The following VIT variants were observed in gnomAD, a reference collection of about 807,000 sequenced individuals.
VIT encodes vitrin.
Under a neutral mutation model 78.0 loss-of-function variants are expected in VIT, and 99 were observed. The ratio of observed to expected loss-of-function variants is 1.27; its 90% CI spans 1.08 to 1.50. The LOEUF (loss-of-function observed/expected upper bound fraction) is 1.50, where lower values mean the gene tolerates loss of function less well. VIT is among the 40% of genes most tolerant of loss of function. The pLI is 0.00. For missense variants in VIT, 1,126 were observed against 875.3 expected (o/e 1.29, Z -3.61); for synonymous variants, 374 against 334.3 (o/e 1.12, Z -1.29).
Position 36,774,650 on chromosome 2 carries a change from A to G in VIT, c.737-352A>G, listed in dbSNP as rs368676973. The G allele has an allele frequency of 9.3e-5, 92 of 985,338 alleles. No individual in the cohort carries two copies. The African/African-American group carries it at 1.4e-3, about 16-fold the overall frequency. The allele number at this position is 985,338 out of a possible 1,614,324, so 61.0% of individuals were successfully genotyped here. A position where few individuals can be genotyped will look rare whatever the true frequency, so the allele number is the denominator to read the frequency against. On this transcript the variant is annotated intron_variant, in intron 8 of 15. Transcript: ENST00000379242. Reference sequence around the variant, plus strand: ...ATGGGCTCCTCTGGTCAGGGCGAGCAGCTTCTATGAGCTTCACAATTGCAC... The same window carrying G: ...ATGGGCTCCTCTGGTCAGGGCGAGCGGCTTCTATGAGCTTCACAATTGCAC...
chr2:36,783,461 T>C, intron 11 of VIT, 59 bp downstream of exon 11: 2 of 1,560,672 alleles, frequency 1.3e-6, no homozygotes, highest in Non-Finnish European at 8.8e-7. Flanking sequence ...TGCTCTCTCC[T>C]CTCTTCCCAC....
chr2:36,731,562 C>T (rs143758807), intron 3 of VIT, among the ~76,000 whole-genome samples: 109 of 152,212 alleles, frequency 7.2e-4, no homozygotes, highest in African/African-American at 2.4e-3. Flanking sequence ...CGTGAGCCAC[C>T]GCAACCGGCC....
chr2:36,722,633 T>A (rs1005100), intron 2 of VIT, among the ~76,000 whole-genome samples: 103,199 of 152,146 alleles, frequency 0.68, 35,288 homozygotes, highest in Middle Eastern at 0.75. Context: ...GTTAGCAAAC[T>A]GAGGTTCTCC....
chr2:36,712,185 A>G (rs1305254515), intron 1 of VIT, among the ~76,000 whole-genome samples: 2 of 152,054 alleles, frequency 1.3e-5, no homozygotes, highest in Admixed American at 6.6e-5. Context: ...GCACATTTAC[A>G]TTTTAAGTGC....
At chr2:36,810,624 G>A (rs536470310) in intron 15 of VIT, among the ~76,000 whole-genome samples, 22 of 151,080 alleles carry the variant, frequency 1.5e-4, no homozygotes, top group Non-Finnish European at 2.8e-4. Context: ...TTCTTCTTCT[G>A]TGCCTAAATT....
At chr2:36,758,449 A>G (rs1309097492) in intron 5 of VIT, among the ~76,000 whole-genome samples, 1 of 152,134 alleles carries the variant, frequency 6.6e-6, no homozygotes, top group Non-Finnish European at 1.5e-5. Flanking sequence ...CTTGCCTGCT[A>G]GCTACCGTGT....
In VIT at chr2:36,716,816, C is replaced by T. The variant is rs543210089; in HGVS notation, c.52+394C>T. Among the ~76,000 whole-genome samples the T allele has an allele frequency of 6.0e-5, 9 of 151,006 alleles. 1 individual carries two copies. The South Asian group carries it at 6.3e-4, about 11-fold the overall frequency. ...CAAACAAATGAACAAAAATTCTTAC[C>T]GCTGACATGGCTCTACCTATAGCAT... is the stretch of plus-strand genomic sequence containing the variant. On this transcript the variant is annotated intron_variant, in intron 2 of 15. Transcript: ENST00000379242.
chr2:36,796,124 A>T lies in VIT; in HGVS notation c.1059-5177A>T, dbSNP rs527987112. 4.3e-3 allele frequency among the ~76,000 whole-genome samples: 649 copies of T among 152,222 alleles called. 7 individuals are homozygous for T. Among genetic ancestry groups the T allele is most frequent in the African/African-American group, 0.015 (630 of 41,526 alleles). On this transcript the variant is annotated intron_variant, in intron 12 of 15. Transcript: ENST00000379242. The stretch of plus-strand genomic sequence containing the variant: ...TCATGACTGATTAAAAAAAAAAAAA[A>T]AAAACATAGTGGGCAGCATAGTTGT...
In VIT at chr2:36,729,406, TA is replaced by T. The variant is rs1399886577; in HGVS notation, c.53-15del. ...AGTAAAATAAAATTGATTAAATTTT[TA>T]AAAATTTTCTTCATGTAGTTTTGCT... is the stretch of plus-strand genomic sequence containing the variant. On this transcript the variant is annotated intron_variant, in intron 2 of 15. Coordinates refer to ENST00000379242, the MANE Select transcript of VIT (RefSeq NM_053276.4). The T allele has an allele frequency of 6.3e-7, 1 of 1,583,994 alleles. No homozygotes were observed.
chr2:36,708,799 C>G (rs1360945171), intron 1 of VIT, among the ~76,000 whole-genome samples: 1 of 152,148 alleles, frequency 6.6e-6, no homozygotes, highest in Non-Finnish European at 1.5e-5. Context: ...ATCACTGCAC[C>G]CCTAGCAGCA....
intron 1 of VIT, among the ~76,000 whole-genome samples, chr2:36,697,745 A>G (rs1417311737): frequency 6.6e-6 from 1 of 152,256 alleles, no homozygotes; most frequent in African/African-American, 2.4e-5. Context: ...TCTCCAAACA[A>G]CCCACAGCAT....
intron 9 of VIT, 97 bp downstream of exon 9, chr2:36,775,164 C>A (rs1303419099): frequency 7.1e-7 from 1 of 1,404,842 alleles, no homozygotes; most frequent in African/African-American, 1.4e-5. Context: ...TTCTTGGCCT[C>A]TGCAGCTCAA....
chr2:36,739,822 G>A (rs1667729074), intron 3 of VIT, among the ~76,000 whole-genome samples: 1 of 152,202 alleles, frequency 6.6e-6, no homozygotes, highest in Non-Finnish European at 1.5e-5. Context: ...CACTCAAGAG[G>A]TCTGGGCTCC....
In VIT at chr2:36,729,440, G is replaced by A; in HGVS notation, c.67G>A (p.Gly23Arg). ...IEMFLVLLVT[G>R]VHSNKETAKK... The stretch of plus-strand genomic sequence containing the variant: ...TCTTCATGTAGTTTTGCTGGTGACT[G>A]GAGTACATTCAAACAAAGAAACGGC... The change falls in exon 3 of 16, where the codon GGA becomes AGA. Residue 23 changes from glycine to arginine, a missense_variant. By Grantham distance (125) the Gly-to-Arg change is moderately radical. Coordinates refer to ENST00000379242, the MANE Select transcript of VIT (RefSeq NM_053276.4). 6.2e-7 allele frequency: 1 copy of A among 1,605,876 alleles called. No homozygotes were observed. Among genetic ancestry groups the A allele is most frequent in the East Asian group, 2.2e-5 (1 of 44,670 alleles).
chr2:36,744,245 T>C (rs905123927), intron 4 of VIT, among the ~76,000 whole-genome samples: 9 of 152,230 alleles, frequency 5.9e-5, no homozygotes, highest in African/African-American at 2.2e-4. Flanking sequence ...GTCTTTGCTA[T>C]TGTGAATAGT....
At chr2:36,781,870 C>T (rs1212763942) in intron 10 of VIT, 99 bp downstream of exon 10, 6 of 1,433,766 alleles carry the variant, frequency 4.2e-6, no homozygotes, top group Non-Finnish European at 5.8e-6. Context: ...CGGCCGAGCT[C>T]CACTAGCCTA....
intron 4 of VIT, among the ~76,000 whole-genome samples, chr2:36,746,338 A>G (rs1016024435): frequency 6.6e-6 from 1 of 151,914 alleles, no homozygotes; most frequent in Non-Finnish European, 1.5e-5. Context: ...GTTAGGGAGG[A>G]TTCCTTCCTC....
Position 36,759,097 on chromosome 2 carries a change from C to T in VIT, c.487+51C>T, listed in dbSNP as rs368072266. The T allele has an allele frequency of 1.7e-5, 27 of 1,614,162 alleles. No homozygotes were observed. In the East Asian group the frequency reaches 1.8e-4, roughly 11 times the overall value. ...TAAACCTTCTGAGTCCATGAACACG[C>T]GACGTGTTTTGGGAGATAGCGGAGA... is the stretch of plus-strand genomic sequence containing the variant. On this transcript the variant is annotated intron_variant, in intron 6 of 15. Transcript: ENST00000379242.
intron 3 of VIT, among the ~76,000 whole-genome samples, chr2:36,732,230 A>G (rs1395564102): frequency 6.6e-6 from 1 of 152,238 alleles, no homozygotes; most frequent in East Asian, 1.9e-4. Context: ...GTTTGCAGTG[A>G]CTATGAAAGT....
Sources: gnomAD v4.1 joint callset for allele counts (sites outside exome capture counted in the v4.1 genomes callset) on GRCh38, gnomAD v4.1.1 for gene constraint, MANE v1.5 for transcripts, NCBI Gene and HGNC (gene_info 2026-07-23, HGNC 2026-07-21) for gene names.